GMCL1: variants seen among roughly 807,000 people sequenced by gnomAD.
GMCL1 encodes germ cell-less 1, spermatogenesis associated, also known as germ cell-less protein-like 1.
GMCL1 carries 54 observed loss-of-function variants against 75.5 expected under a neutral mutation model. That is an observed-to-expected ratio of 0.71 (90% CI 0.57 to 0.90). GMCL1 has a LOEUF of 0.90. Ranked by LOEUF, GMCL1 falls within the 40% of genes least tolerant of loss-of-function variation. The probability of loss-of-function intolerance (pLI) is 0.00; values close to 1 mark genes in which losing one functional copy is unlikely to be tolerated. For synonymous variants in GMCL1, 210 were observed against 209.6 expected (o/e 1.00, Z -0.02); for missense variants, 537 against 622.7 (o/e 0.86, Z 1.47).
chr2:69,837,692 G>A (rs1172324113), intron 2 of GMCL1, 22 bp downstream of exon 2: 2 of 1,588,888 alleles, frequency 1.3e-6, no homozygotes, highest in East Asian at 2.3e-5. Flanking sequence ...TTCTATTTGA[G>A]TAACAGGGTA....
intron 4 of GMCL1, 148 bp from the exon 5 acceptor site, chr2:69,843,001 A>C (rs1195870964): frequency 1.2e-5 from 4 of 321,654 alleles, no homozygotes; most frequent in East Asian, 1.1e-4. Flanking sequence ...AAAAAAAAAA[A>C]AAAAAACTTA....
In GMCL1 at chr2:69,829,952, G is replaced by A. The variant is rs1344662917; in HGVS notation, c.60G>A (p.Ala20=). 6.3e-7 allele frequency: 1 copy of A among 1,597,164 alleles called. No individual in the cohort carries two copies. Among genetic ancestry groups the A allele is most frequent in the Admixed American group, 1.7e-5 (1 of 57,880 alleles). The change falls in exon 1 of 14, where the codon GCG becomes GCA. Residue 20 remains alanine, a synonymous_variant. Transcript: ENST00000282570. The part of the protein sequence containing the change: ...RQPRPALAQQ[A]QGARAGGSAR... ...CAAGACCAGCCCTTGCCCAGCAGGC[G>A]CAGGGTGCCAGGGCGGGGGGCTCGG...
intron 13 of GMCL1, among the ~76,000 whole-genome samples, chr2:69,876,987 C>T (rs942767265): frequency 2.0e-5 from 3 of 151,978 alleles, no homozygotes; most frequent in African/African-American, 7.3e-5. Context: ...GACCCTGTCT[C>T]AAAACAAAAA....
At position 69,880,380 on chromosome 2, in the gene GMCL1, CT is replaced by C. The variant is rs1401605006; in HGVS notation, c.*1382del. 1.3e-5 allele frequency: 2 copies of C among 151,602 alleles called. No individual in the cohort carries two copies. The highest frequency in any genetic ancestry group is 2.9e-5 in the Non-Finnish European group (2 of 67,900). The allele number at this position is 151,602 out of a possible 1,614,324, so 9.4% of individuals were successfully genotyped here. On this transcript the variant is annotated 3_prime_UTR_variant, in exon 14 of 14. Coordinates refer to ENST00000282570, the MANE Select transcript of GMCL1 (RefSeq NM_178439.5). ...TTTGGAATTTATTAATAATTTTTTT[CT>C]TTTTTAATGATATGCCCATAGGTTC...
At chr2:69,838,555 A>C (rs1320021459) in intron 2 of GMCL1, among the ~76,000 whole-genome samples, 1 of 152,112 alleles carries the variant, frequency 6.6e-6, no homozygotes, top group East Asian at 1.9e-4. Context: ...CATAGTATAA[A>C]ATTTTTCAGT....
chr2:69,830,286 A>C, intron 1 of GMCL1, 134 bp downstream of exon 1: 1 of 1,210,138 alleles, frequency 8.3e-7, no homozygotes, highest in Non-Finnish European at 1.1e-6. Context: ...GACAGGGTGA[A>C]TGTGGAAGCC....
intron 1 of GMCL1, among the ~76,000 whole-genome samples, chr2:69,833,703 T>C (rs1674739075): frequency 6.6e-6 from 1 of 152,228 alleles, no homozygotes; most frequent in Non-Finnish European, 1.5e-5. Context: ...CCTGAGGTTG[T>C]CTGGTGTGCT....
rs1389046992 is a variant in GMCL1, at chr2:69,829,696, T to C, written c.-197T>C. The C allele has an allele frequency of 4.9e-6, 3 of 610,838 alleles. No homozygotes were observed. Among genetic ancestry groups the C allele is most frequent in the African/African-American group, 1.9e-5 (1 of 51,282 alleles). 37.8% of individuals were successfully genotyped at this position (610,838 alleles called of 1,614,324 possible). A position where few individuals can be genotyped will look rare whatever the true frequency, so the allele number is the denominator to read the frequency against. On this transcript the variant is annotated 5_prime_UTR_variant, in exon 1 of 14. Transcript: ENST00000282570. Reference sequence around the variant, plus strand: ...AAAGCGAGGGGGCGAGGTGCTGCGGTGCTAGAGCGCGGCGCGACCGGACGC... The same window carrying C: ...AAAGCGAGGGGGCGAGGTGCTGCGGCGCTAGAGCGCGGCGCGACCGGACGC...
At chr2:69,837,330 T>G (rs1202274462) in intron 1 of GMCL1, among the ~76,000 whole-genome samples, 2 of 152,216 alleles carry the variant, frequency 1.3e-5, no homozygotes, top group Non-Finnish European at 2.9e-5. Context: ...CTCCCGTGCA[T>G]AGAGGACCCC....
intron 10 of GMCL1, among the ~76,000 whole-genome samples, chr2:69,861,821 G>A (rs1032267056): frequency 2.0e-5 from 3 of 152,046 alleles, no homozygotes; most frequent in Non-Finnish European, 4.4e-5. Flanking sequence ...GGTGGCTCAC[G>A]CCTGTAATCC....
Position 69,869,704 on chromosome 2 carries a change from T to C in GMCL1, c.1219-15T>C. 3 of 1,611,622 alleles carry C rather than the reference T, an allele frequency of 1.9e-6. No homozygotes were observed. The highest frequency in any genetic ancestry group is 2.5e-6 in the Non-Finnish European group (3 of 1,178,884). ...ATGATAAACTGAAATAAGTCTTCTC[T>C]CTTGTATTTTTTAGTACTGCTGGCG... On this transcript the variant is annotated splice_polypyrimidine_tract_variant and intron_variant, in intron 11 of 13. Transcript: ENST00000282570.
intron 6 of GMCL1, among the ~76,000 whole-genome samples, chr2:69,846,716 C>T (rs1166452032): frequency 6.6e-6 from 1 of 152,110 alleles, no homozygotes; most frequent in Non-Finnish European, 1.5e-5. Context: ...ATAACTAGCA[C>T]GTTTCTTGAT....
chr2:69,858,965 G>C (rs1178152771), intron 9 of GMCL1, among the ~76,000 whole-genome samples: 1 of 151,662 alleles, frequency 6.6e-6, no homozygotes, highest in African/African-American at 2.4e-5. Context: ...GACCAACATG[G>C]TGAAACTCCG....
intron 10 of GMCL1, among the ~76,000 whole-genome samples, chr2:69,862,885 A>G (rs891973980): frequency 6.6e-6 from 1 of 152,222 alleles, no homozygotes; most frequent in African/African-American, 2.4e-5. Flanking sequence ...AATGGAATTC[A>G]GAACTGAAGC....
chr2:69,846,442 A>G (rs1675147966), intron 6 of GMCL1, among the ~76,000 whole-genome samples: 1 of 152,224 alleles, frequency 6.6e-6, no homozygotes, highest in Non-Finnish European at 1.5e-5. Context: ...ATATGAGAGG[A>G]TGTGCATAGG....
At chr2:69,831,297 A>G (rs761906315) in intron 1 of GMCL1, among the ~76,000 whole-genome samples, 11 of 152,256 alleles carry the variant, frequency 7.2e-5, no homozygotes, top group Non-Finnish European at 1.0e-4. Flanking sequence ...GGAATCATAG[A>G]TTAAAAACTT....
intron 1 of GMCL1, among the ~76,000 whole-genome samples, chr2:69,832,760 A>G (rs1266894358): frequency 6.6e-6 from 1 of 152,242 alleles, no homozygotes; most frequent in South Asian, 2.1e-4. Context: ...TTATTGAAAT[A>G]TATGTCACAG....
At chr2:69,830,597 G>C (rs545831043) in intron 1 of GMCL1, among the ~76,000 whole-genome samples, 26 of 152,302 alleles carry the variant, frequency 1.7e-4, no homozygotes, top group Middle Eastern at 3.4e-3. Flanking sequence ...TGGAGGGTAA[G>C]TAATTGCACA....
chr2:69,833,102 C>G (rs1213309190), intron 1 of GMCL1, among the ~76,000 whole-genome samples: 1 of 152,108 alleles, frequency 6.6e-6, no homozygotes, highest in South Asian at 2.1e-4. Context: ...AGGATGCCAA[C>G]AAAATTATTT....
Sources: gnomAD v4.1 joint callset for allele counts (sites outside exome capture counted in the v4.1 genomes callset) on GRCh38, gnomAD v4.1.1 for gene constraint, MANE v1.5 for transcripts, NCBI Gene and HGNC (gene_info 2026-07-23, HGNC 2026-07-21) for gene names.